CNTNAP2: variants seen among roughly 807,000 people sequenced by gnomAD.
CNTNAP2 encodes contactin-associated protein-like 2.
A neutral mutation model predicts 155.2 loss-of-function variants in CNTNAP2; 98 were observed. The ratio of observed to expected loss-of-function variants is 0.63; its 90% CI spans 0.54 to 0.75. The LOEUF is 0.75. Ranked by LOEUF, CNTNAP2 falls within the 30% of genes least tolerant of loss-of-function variation. The probability of loss-of-function intolerance (pLI) is 0.00; values close to 1 mark genes in which losing one functional copy is unlikely to be tolerated. For missense variants in CNTNAP2, 1,727 were observed against 1,688.1 expected (o/e 1.02, Z -0.40); for synonymous variants, 651 against 631.2 (o/e 1.03, Z -0.47).
chr7:146,530,130 A>G (rs1369309264), intron 1 of CNTNAP2, among the ~76,000 whole-genome samples: 2 of 152,184 alleles, frequency 1.3e-5, no homozygotes, highest in African/African-American at 4.8e-5. Context: ...GCAATGGGGA[A>G]AGGACTCCCT....
chr7:147,419,930 T>C (rs1441861706), intron 10 of CNTNAP2, among the ~76,000 whole-genome samples: 1 of 152,188 alleles, frequency 6.6e-6, no homozygotes, highest in Non-Finnish European at 1.5e-5. Context: ...CTTGCTGTGC[T>C]GGGTGGATCA....
At chr7:146,925,861 G>A (rs773273736) in intron 3 of CNTNAP2, among the ~76,000 whole-genome samples, 2 of 152,008 alleles carry the variant, frequency 1.3e-5, no homozygotes, top group Admixed American at 6.6e-5. Flanking sequence ...ATAAGCTTCC[G>A]AACACACTGA....
At chr7:147,505,991 T>A (rs1445381646) in intron 11 of CNTNAP2, among the ~76,000 whole-genome samples, 2 of 152,198 alleles carry the variant, frequency 1.3e-5, no homozygotes, top group Non-Finnish European at 2.9e-5. Flanking sequence ...GCATCACTTA[T>A]CATTACAGCA....
At chr7:146,329,725 C>T (rs760846921) in intron 1 of CNTNAP2, among the ~76,000 whole-genome samples, 1 of 152,106 alleles carries the variant, frequency 6.6e-6, no homozygotes, top group Non-Finnish European at 1.5e-5. Flanking sequence ...TTTCTTTTAA[C>T]ACATCGGTAT....
chr7:147,931,605 G>A (rs1000718036), intron 14 of CNTNAP2, among the ~76,000 whole-genome samples: 14 of 152,164 alleles, frequency 9.2e-5, no homozygotes, highest in Non-Finnish European at 1.8e-4. Flanking sequence ...CAACCAGGTA[G>A]GAAGAAGGAT....
intron 11 of CNTNAP2, among the ~76,000 whole-genome samples, chr7:147,506,736 G>A (rs1415340520): frequency 6.6e-6 from 1 of 152,144 alleles, no homozygotes; most frequent in Admixed American, 6.5e-5. Context: ...GAGCCACCTG[G>A]GCCACTAACA....
chr7:148,209,486 C>A (rs1297748874), intron 18 of CNTNAP2, among the ~76,000 whole-genome samples: 1 of 151,990 alleles, frequency 6.6e-6, no homozygotes, highest in African/African-American at 2.4e-5. Flanking sequence ...GATTGCCTGC[C>A]TCTGTGTTCC....
intron 1 of CNTNAP2, among the ~76,000 whole-genome samples, chr7:146,382,190 G>T (rs1324617471): frequency 6.6e-6 from 1 of 152,212 alleles, no homozygotes; most frequent in African/African-American, 2.4e-5. Context: ...CAAGAACTAA[G>T]AAGATGCAAT....
At chr7:146,856,281 GATAGATAGATAGATAGATACATAC>G (rs1374806833) in intron 3 of CNTNAP2, among the ~76,000 whole-genome samples, 3,047 of 138,978 alleles carry the variant, frequency 0.022, 125 homozygotes, top group African/African-American at 0.079. Flanking sequence ...TAGATAGATA[GATAGATAGATAGATAGATACATAC>G]ATACATACAT....
At chr7:146,456,852 G>T (rs550731046) in intron 1 of CNTNAP2, among the ~76,000 whole-genome samples, 44 of 152,182 alleles carry the variant, frequency 2.9e-4, no homozygotes, top group Admixed American at 2.9e-3. Context: ...TTGCAATTTT[G>T]CTTTAATGGG....
chr7:146,299,210 G>A (rs375368986), intron 1 of CNTNAP2, among the ~76,000 whole-genome samples: 3 of 152,236 alleles, frequency 2.0e-5, no homozygotes, highest in Admixed American at 1.3e-4. Context: ...GGTGGAGGTT[G>A]CAGTGAGCCG....
At chr7:148,330,437 G>C (rs918876544) in intron 21 of CNTNAP2, among the ~76,000 whole-genome samples, 1 of 144,342 alleles carries the variant, frequency 6.9e-6, no homozygotes, top group Admixed American at 6.9e-5. Context: ...GACGGATGGA[G>C]CAGACGGGTG....
chr7:146,549,564 A>G (rs1193975231), intron 1 of CNTNAP2, among the ~76,000 whole-genome samples: 1 of 152,062 alleles, frequency 6.6e-6, no homozygotes, highest in African/African-American at 2.4e-5. Context: ...GAATACACAT[A>G]TATCTATTTG....
chr7:146,845,103 T>C (rs1339795989), intron 3 of CNTNAP2, among the ~76,000 whole-genome samples: 3 of 152,180 alleles, frequency 2.0e-5, no homozygotes, highest in African/African-American at 7.2e-5. Context: ...TTTCAATAAA[T>C]TTAAAACATT....
intron 3 of CNTNAP2, among the ~76,000 whole-genome samples, chr7:146,961,769 T>G (rs1387645946): frequency 6.6e-6 from 1 of 152,142 alleles, no homozygotes; most frequent in Non-Finnish European, 1.5e-5. Flanking sequence ...GACACAGTCT[T>G]GAGGTGCTCA....
chr7:147,743,917 G>C (rs933126571), intron 13 of CNTNAP2, among the ~76,000 whole-genome samples: 3 of 152,048 alleles, frequency 2.0e-5, no homozygotes, highest in African/African-American at 4.8e-5. Flanking sequence ...CACCCTTCTA[G>C]TTTCGAAACC....
chr7:147,146,655 T>G (rs1801710201), intron 8 of CNTNAP2: 2 of 152,328 alleles, frequency 1.3e-5, no homozygotes, highest in African/African-American at 4.8e-5. Context: ...GTGATCCAGT[T>G]GCACAGCTCA....
At chr7:147,937,992 A>C (rs1800645226) in intron 14 of CNTNAP2, among the ~76,000 whole-genome samples, 1 of 152,142 alleles carries the variant, frequency 6.6e-6, no homozygotes, top group African/African-American at 2.4e-5. Context: ...CAGTCCTCAA[A>C]AGTTAGGATA....
chr7:146,816,471 C>T lies in CNTNAP2; in HGVS notation c.209-23240C>T, dbSNP rs564229699. Among the ~76,000 whole-genome samples the T allele has an allele frequency of 7.9e-5, 12 of 152,226 alleles. No individual in the cohort carries two copies. In the South Asian group the frequency reaches 1.7e-3, roughly 21 times the overall value. ...GACCTCACCAACTGACTGCCCATGC[C>T]GGGAACAGTTGGCCATCCCACAGTC... On this transcript the variant is annotated intron_variant, in intron 2 of 23. Coordinates refer to ENST00000361727, the MANE Select transcript of CNTNAP2 (RefSeq NM_014141.6).
Sources: allele counts gnomAD v4.1 joint callset (sites outside exome capture counted in the v4.1 genomes callset), GRCh38; gene constraint gnomAD v4.1.1; transcripts MANE v1.5; gene names NCBI Gene and HGNC (gene_info 2026-07-23, HGNC 2026-07-21).